The following RND3 variants were observed in gnomAD, a reference collection of about 807,000 sequenced individuals.
The protein encoded by RND3 is rho-related GTP-binding protein RhoE.
A neutral mutation model predicts 26.5 loss-of-function variants in RND3; 8 were observed. That is an observed-to-expected ratio of 0.30 (90% CI 0.18 to 0.54). RND3 has a LOEUF of 0.54. Ranked by LOEUF, RND3 falls within the 20% of genes least tolerant of loss-of-function variation. The probability of loss-of-function intolerance (pLI) is 0.94; values close to 1 mark genes in which losing one functional copy is unlikely to be tolerated. For synonymous variants in RND3, 113 were observed against 113.0 expected, an observed-to-expected ratio of 1.00 and a Z score of 0.00; for missense variants, 207 against 302.8, an observed-to-expected ratio of 0.68 and a Z score of 2.35.
chr2:150,475,214 C>G (rs1686145285), intron 3 of RND3: 2 of 402,904 alleles, frequency 5.0e-6, no homozygotes, highest in Admixed American at 7.6e-5. Flanking sequence ...GGGCCAGGAT[C>G]TTAAGTGAAA....
intron 3 of RND3, among the ~76,000 whole-genome samples, chr2:150,478,550 G>T (rs1219817818): frequency 7.6e-6 from 1 of 131,792 alleles, no homozygotes; most frequent in Non-Finnish European, 1.6e-5. Flanking sequence ...CTCCAGAAAA[G>T]TCTTACAACA....
intron 3 of RND3, among the ~76,000 whole-genome samples, chr2:150,481,868 A>G (rs1311503660): frequency 2.0e-5 from 3 of 152,172 alleles, no homozygotes; most frequent in African/African-American, 7.2e-5. Flanking sequence ...TGTCACCAAG[A>G]CCATTCTTCA....
At chr2:150,475,742 A>G (rs1686153257) in intron 3 of RND3, among the ~76,000 whole-genome samples, 1 of 152,212 alleles carries the variant, frequency 6.6e-6, no homozygotes, top group Admixed American at 6.5e-5. Context: ...TCTTCCTGTT[A>G]CAATCAAGAA....
Position 150,471,646 on chromosome 2 carries a change from G to A in RND3, c.464C>T (p.Thr155Met), listed in dbSNP as rs145448904. ...TLVELSNHRQ[T>M]PVSYDQGANM... The stretch of plus-strand genomic sequence containing the variant: ...ACATACCTGGTCATAGGACACTGGC[G>A]TCTGCCTGTGATTGGAGAGCTCTAC... The change falls in exon 5 of 6, where the codon ACG (threonine) becomes ATG (methionine). Residue 155 changes from threonine to methionine, a missense_variant. Thr to Met is a moderately conservative substitution (Grantham distance 81). Transcript: ENST00000263895. The A allele has an allele frequency of 1.4e-4, 223 of 1,611,938 alleles. No homozygotes were observed. The African/African-American group carries it at 2.1e-3, about 15-fold the overall frequency.
In RND3 at chr2:150,471,513, C is replaced by T. The variant is rs1345146981; in HGVS notation, c.483+114G>A. ...ACAGCATTTTAAATTTCACAACTGA[C>T]CACTGGGTGAGCCTTTAGAAAAGCA... On this transcript the variant is annotated intron_variant, in intron 5 of 5. Coordinates refer to ENST00000263895, the MANE Select transcript of RND3 (RefSeq NM_005168.5). 4 of 826,532 alleles carry T rather than the reference C, an allele frequency of 4.8e-6. No individual in the cohort carries two copies. The African/African-American group carries it at 6.9e-5, about 14-fold the overall frequency. The allele number at this position is 826,532 out of a possible 1,614,324, so 51.2% of individuals were successfully genotyped here. A position where few individuals can be genotyped will look rare whatever the true frequency, so the allele number is the denominator to read the frequency against.
At chr2:150,478,219 A>T (rs1248053648) in intron 3 of RND3, among the ~76,000 whole-genome samples, 1 of 151,932 alleles carries the variant, frequency 6.6e-6, no homozygotes, top group African/African-American at 2.4e-5. Flanking sequence ...AAAACAAAAA[A>T]CAAAAACACT....
intron 2 of RND3, chr2:150,487,012 G>A: frequency 1.6e-6 from 1 of 608,700 alleles, no homozygotes; most frequent in Admixed American, 2.8e-5. Context: ...CCCAACCCCA[G>A]GTTATGCACA....
chr2:150,477,412 A>C (rs1048153574), intron 3 of RND3, among the ~76,000 whole-genome samples: 1 of 152,224 alleles, frequency 6.6e-6, no homozygotes, highest in African/African-American at 2.4e-5. Flanking sequence ...AAAGAGGATA[A>C]AAGAGTTTAA....
chr2:150,473,674 T>C, intron 4 of RND3, among the ~76,000 whole-genome samples: 1 of 152,222 alleles, frequency 6.6e-6, no homozygotes. Flanking sequence ...AAGAGTTTTA[T>C]TGAACTCTGT....
In RND3 at chr2:150,469,656, C is replaced by A. The variant is rs1458749512; in HGVS notation, c.*331G>T. ...AATAGATTATAACAAAAAAAAAAAA[C>A]CCAAAAATGCAAGCACCATTCAGAG... On this transcript the variant is annotated 3_prime_UTR_variant, in exon 6 of 6. Coordinates refer to ENST00000263895, the MANE Select transcript of RND3 (RefSeq NM_005168.5). The A allele has an allele frequency of 3.1e-4, 46 of 148,156 alleles. No individual in the cohort carries two copies. The highest frequency in any genetic ancestry group is 1.6e-3 in the South Asian group (9 of 5,484). The allele number at this position is 148,156 out of a possible 1,614,324, so 9.2% of individuals were successfully genotyped here.
chr2:150,486,604 G>A lies in RND3; in HGVS notation c.238+90C>T. On this transcript the variant is annotated intron_variant, in intron 3 of 5. Coordinates refer to ENST00000263895, the MANE Select transcript of RND3 (RefSeq NM_005168.5). This position sits in a 1 kb window ranked among gnomAD's most constrained non-coding sequence, Gnocchi z 4.5. ...GAATCCCTTGGGAGGGGCGCAGACG[G>A]CTTGTAGCGCGCGGTTTCCCGAGAC... 3.3e-6 allele frequency: 3 copies of A among 922,762 alleles called. No individual in the cohort carries two copies. The South Asian group carries it at 3.9e-5, about 12-fold the overall frequency. The allele number at this position is 922,762 out of a possible 1,614,324, so 57.2% of individuals were successfully genotyped here. A position where few individuals can be genotyped will look rare whatever the true frequency, so the allele number is the denominator to read the frequency against.
At chr2:150,484,994 T>C (rs925071292) in intron 3 of RND3, among the ~76,000 whole-genome samples, 4 of 152,150 alleles carry the variant, frequency 2.6e-5, no homozygotes, top group Non-Finnish European at 4.4e-5. Flanking sequence ...TACCATGATA[T>C]GTCTGGGAAT....
chr2:150,486,710 G>C lies in RND3; in HGVS notation c.222C>G (p.Ser74Arg), dbSNP rs898698275. Residue 74 changes from serine (S) to arginine (R), a missense_variant, in exon 3 of 6, where the codon AGC becomes AGG. Physicochemically the swap from Ser to Arg is moderately radical, Grantham distance 110. Coordinates refer to ENST00000263895, the MANE Select transcript of RND3 (RefSeq NM_005168.5). This position sits in a 1 kb window ranked among gnomAD's most constrained non-coding sequence, Gnocchi z 4.5. ...FEIDTQRIEL[S>R]LWDTSGSPYY... ...CACTCTTACCCGAAGTGTCCCACAG[G>C]CTCAACTCTATTCTTTGTGTGTCGA... The C allele has an allele frequency of 3.1e-6, 5 of 1,612,300 alleles. No individual in the cohort carries two copies. Among genetic ancestry groups the C allele is most frequent in the African/African-American group, 2.7e-5 (2 of 74,902 alleles).
intron 4 of RND3, 31 bp downstream of exon 4, chr2:150,474,844 C>A (rs1026880917): frequency 8.0e-7 from 1 of 1,251,782 alleles, no homozygotes; most frequent in Non-Finnish European, 1.2e-6. Flanking sequence ...TCACCCAGTA[C>A]TGAAGTGTGT....
Position 150,469,975 on chromosome 2 carries a change from A to T in RND3, c.*12T>A. The T allele has an allele frequency of 6.2e-7, 1 of 1,611,822 alleles. No homozygotes were observed. Among genetic ancestry groups the T allele is most frequent in the South Asian group, 1.1e-5 (1 of 90,898 alleles). On this transcript the variant is annotated 3_prime_UTR_variant, in exon 6 of 6. Coordinates refer to ENST00000263895, the MANE Select transcript of RND3 (RefSeq NM_005168.5). ...CTAGATTCCTTTGTCTTCATTAAAG[A>T]TAATGAAAGATTCACATCACAGTGC...
Position 150,469,174 on chromosome 2 carries a change from T to C in RND3, c.*813A>G, listed in dbSNP as rs530268382. 5 of 152,758 alleles carry C rather than the reference T, an allele frequency of 3.3e-5. No homozygotes were observed. In the South Asian group the frequency reaches 1.0e-3, roughly 32 times the overall value. The allele number at this position is 152,758 out of a possible 1,614,324, so 9.5% of individuals were successfully genotyped here. A position where few individuals can be genotyped will look rare whatever the true frequency, so the allele number is the denominator to read the frequency against. ...CACCTTTTATTTGACTTTGCATTTT[T>C]ATCAACGATGGCAAAAAATCACACA... On this transcript the variant is annotated 3_prime_UTR_variant, in exon 6 of 6. Transcript: ENST00000263895.
chr2:150,484,595 G>T (rs1164499285), intron 3 of RND3, among the ~76,000 whole-genome samples: 1 of 152,120 alleles, frequency 6.6e-6, no homozygotes, highest in East Asian at 1.9e-4. Context: ...ACCCCAGCAC[G>T]GGATGCCAGA....
intron 3 of RND3, among the ~76,000 whole-genome samples, chr2:150,481,125 T>G (rs1369931079): frequency 6.6e-6 from 1 of 152,172 alleles, no homozygotes; most frequent in Non-Finnish European, 1.5e-5. Context: ...GAAGAAACGT[T>G]AAAAACTTCT....
chr2:150,475,326 AG>A (rs1355544672), intron 3 of RND3, among the ~76,000 whole-genome samples: 2 of 152,188 alleles, frequency 1.3e-5, no homozygotes, highest in African/African-American at 4.8e-5. Flanking sequence ...ACCACTAAAA[AG>A]GGAGGGGGCA....
Sources: gnomAD v4.1 joint callset for allele counts (sites outside exome capture counted in the v4.1 genomes callset) on GRCh38, gnomAD v4.1.1 for gene constraint, Gnocchi (gnomAD v3.1) non-coding constraint, MANE v1.5 for transcripts, NCBI Gene and HGNC (gene_info 2026-07-23, HGNC 2026-07-21) for gene names.